Variants in MYO10 observed in about 807,000 individuals in gnomAD.
The protein encoded by MYO10 is myosin X, also known as unconventional myosin-X.
MYO10 carries 133 observed loss-of-function variants against 257.3 expected under a neutral mutation model. The observed-to-expected ratio is 0.52, with a 90% CI of 0.45 to 0.60. MYO10 has a LOEUF of 0.60. Among genes scored for constraint, MYO10 ranks in the 20% least tolerant of loss-of-function variants. MYO10 has a pLI of 0.00. For synonymous variants in MYO10, 1,104 were observed against 1,028.6 expected (o/e 1.07, Z -1.40); for missense variants, 2,399 against 2,635.7 (o/e 0.91, Z 1.97).
chr5:16,852,952 C>A (rs1020575634), intron 2 of MYO10, among the ~76,000 whole-genome samples: 3 of 152,158 alleles, frequency 2.0e-5, no homozygotes, highest in African/African-American at 7.2e-5. Context: ...AAACTGTCCA[C>A]GTCAGGACTA....
At position 16,666,387 on chromosome 5, in the gene MYO10, C is replaced by T; in HGVS notation, c.*305G>A. On this transcript the variant is annotated 3_prime_UTR_variant, in exon 41 of 41. Transcript: ENST00000513610. ...TTACGGTCGATTAGTGTTGGTTCCA[C>T]AAGTTAAGGCACTTCCGGCTGCTTT... The T allele has an allele frequency of 3.2e-6, 1 of 310,508 alleles. No individual in the cohort carries two copies. The highest frequency in any genetic ancestry group is 5.7e-5 in the East Asian group (1 of 17,528). The allele number at this position is 310,508 out of a possible 1,614,324, so 19.2% of individuals were successfully genotyped here. A position where few individuals can be genotyped will look rare whatever the true frequency, so the allele number is the denominator to read the frequency against.
chr5:16,735,312 C>T (rs963580542), intron 19 of MYO10, among the ~76,000 whole-genome samples: 2 of 152,156 alleles, frequency 1.3e-5, no homozygotes, highest in Non-Finnish European at 2.9e-5. Context: ...GCTATAGAGT[C>T]ATCAGGCTAA....
intron 9 of MYO10, among the ~76,000 whole-genome samples, chr5:16,777,608 G>C (rs778073138): frequency 1.3e-5 from 2 of 152,112 alleles, no homozygotes. Context: ...TCCAGAGTTA[G>C]ACTGTGTATG....
chr5:16,782,203 T>C (rs1741444001), intron 5 of MYO10, among the ~76,000 whole-genome samples: 1 of 152,198 alleles, frequency 6.6e-6, no homozygotes, highest in Non-Finnish European at 1.5e-5. Flanking sequence ...CTATTTGTTG[T>C]ATGTCCCGGG....
chr5:16,782,894 G>A (rs1216772281), intron 5 of MYO10, among the ~76,000 whole-genome samples: 1 of 152,184 alleles, frequency 6.6e-6, no homozygotes, highest in Non-Finnish European at 1.5e-5. Flanking sequence ...AGCGGTGGAT[G>A]CTGACCTGAA....
intron 4 of MYO10, among the ~76,000 whole-genome samples, chr5:16,792,157 A>AGAGG (rs1741783866): frequency 6.9e-6 from 1 of 144,280 alleles, no homozygotes; most frequent in African/African-American, 2.6e-5. Flanking sequence ...AGAGAGAGAG[A>AGAGG]GAGAGAGGGA....
chr5:16,679,360 C>T (rs1651565607), intron 33 of MYO10, among the ~76,000 whole-genome samples: 1 of 152,214 alleles, frequency 6.6e-6, no homozygotes, highest in Non-Finnish European at 1.5e-5. Context: ...AGCTGCAGAC[C>T]TCATCCTTCT....
Position 16,831,137 on chromosome 5 carries a change from GAT to G in MYO10, c.121-12972_121-12971del, listed in dbSNP as rs1743150787. ...TGAAAACATGTTCAACACCCCTAAT[GAT>G]CAGGAAATGCAAATCAAAACCACCA... is the stretch of plus-strand genomic sequence containing the variant. On this transcript the variant is annotated intron_variant, in intron 2 of 40. Coordinates refer to ENST00000513610, the MANE Select transcript of MYO10 (RefSeq NM_012334.3). Among the ~76,000 whole-genome samples the G allele has an allele frequency of 2.0e-5, 3 of 152,094 alleles. No homozygotes were observed. The South Asian group carries it at 6.2e-4, about 32-fold the overall frequency.
chr5:16,725,849 G>A (rs1157209460), intron 19 of MYO10, among the ~76,000 whole-genome samples: 21 of 150,994 alleles, frequency 1.4e-4, no homozygotes, highest in African/African-American at 3.4e-4. Context: ...GTGCAGTGGC[G>A]TGATCTTGGC....
chr5:16,880,103 C>A (rs1488618767), intron 1 of MYO10, among the ~76,000 whole-genome samples: 1 of 152,168 alleles, frequency 6.6e-6, no homozygotes, highest in Non-Finnish European at 1.5e-5. Context: ...TTGCTTGAAA[C>A]CAGGAGGCAG....
At chr5:16,882,020 G>A (rs1044309985) in intron 1 of MYO10, among the ~76,000 whole-genome samples, 1 of 152,172 alleles carries the variant, frequency 6.6e-6, no homozygotes, top group Non-Finnish European at 1.5e-5. Flanking sequence ...TTATTAAAAC[G>A]TGGACAAGTT....
intron 4 of MYO10, among the ~76,000 whole-genome samples, chr5:16,793,033 G>A (rs904987875): frequency 1.4e-4 from 21 of 152,146 alleles, no homozygotes; most frequent in African/African-American, 4.6e-4. Context: ...AGCAGATGTC[G>A]GAATCTTCGT....
intron 3 of MYO10, chr5:16,815,361 T>G (rs1204409702): frequency 1.5e-5 from 10 of 674,364 alleles, no homozygotes; most frequent in Non-Finnish European, 2.7e-5. Context: ...ATATTCCCAA[T>G]GAGCATTTCC....
At chr5:16,858,697 T>C (rs253476) in intron 2 of MYO10, among the ~76,000 whole-genome samples, 41,404 of 152,070 alleles carry the variant, frequency 0.27, 8,970 homozygotes, top group African/African-American at 0.6. Flanking sequence ...CAGTGGCTCA[T>C]GCCTGTAATC....
At chr5:16,792,102 C>CACAT (rs1435144256) in intron 4 of MYO10, among the ~76,000 whole-genome samples, 1 of 117,878 alleles carries the variant, frequency 8.5e-6, no homozygotes, top group East Asian at 2.9e-4. Context: ...GTTAGACACA[C>CACAT]ACATACATAC....
In MYO10 at chr5:16,703,607, G is replaced by A. The variant is rs182861150; in HGVS notation, c.2277-449C>T. 1.3e-4 allele frequency among the ~76,000 whole-genome samples: 20 copies of A among 152,262 alleles called. No individual in the cohort carries two copies. In the East Asian group the frequency reaches 2.3e-3, roughly 18 times the overall value. ...GGAGAAGTTGCCTCAGGCCAGGTGC[G>A]GTGGCTCATGCCTGTAATCCCAGAA... On this transcript the variant is annotated intron_variant, in intron 22 of 40. Transcript: ENST00000513610.
chr5:16,866,014 A>AACACACACAC lies in MYO10; in HGVS notation c.120+11585_120+11594dup, dbSNP rs34718010. On this transcript the variant is annotated intron_variant, in intron 2 of 40. Coordinates refer to ENST00000513610, the MANE Select transcript of MYO10 (RefSeq NM_012334.3). ...GTTTTATGTCATATTTATTTACCCAAACACACACACACACACACACACACA... is the reference window on the plus strand; with the variant it reads ...GTTTTATGTCATATTTATTTACCCAAACACACACACACACACACACACACACACACACACA... Among the ~76,000 whole-genome samples, 1,225 of 136,534 alleles carry AACACACACAC rather than the reference A, an allele frequency of 9.0e-3. 31 individuals carry two copies. Among genetic ancestry groups the AACACACACAC allele is most frequent in the African/African-American group, 0.031 (1,110 of 36,004 alleles). 89.6% of individuals were successfully genotyped at this position (136,534 alleles called of 152,430 possible).
chr5:16,704,449 G>T, intron 22 of MYO10, 130 bp downstream of exon 22: 1 of 697,076 alleles, frequency 1.4e-6, no homozygotes, highest in Non-Finnish European at 2.4e-6. Flanking sequence ...TTCGGGAGTG[G>T]CTGCTTAGGA....
Position 16,868,751 on chromosome 5 carries a change from G to C in MYO10, c.120+8858C>G, listed in dbSNP as rs576147414. On this transcript the variant is annotated intron_variant, in intron 2 of 40. Coordinates refer to ENST00000513610, the MANE Select transcript of MYO10 (RefSeq NM_012334.3). ...CCACAGTTACATATTTTTCAATAAA[G>C]TGTGAAAGAGTGTCATTTGCTCATT... Among the ~76,000 whole-genome samples, 5 of 152,324 alleles carry C rather than the reference G, an allele frequency of 3.3e-5. No individual in the cohort carries two copies. In the East Asian group the frequency reaches 9.6e-4, roughly 29 times the overall value.
Sources: allele counts gnomAD v4.1 joint callset (sites outside exome capture counted in the v4.1 genomes callset), GRCh38; gene constraint gnomAD v4.1.1; transcripts MANE v1.5; gene names NCBI Gene and HGNC (gene_info 2026-07-23, HGNC 2026-07-21).